The following CACNB2 variants were observed in gnomAD, a reference collection of about 807,000 sequenced individuals.
The protein encoded by CACNB2 is voltage-dependent L-type calcium channel subunit beta-2.
In CACNB2, 42 loss-of-function variants were observed where a neutral mutation model predicts 73.3. The ratio of observed to expected loss-of-function variants is 0.57; its 90% CI spans 0.45 to 0.74. CACNB2 has a LOEUF of 0.74. Among genes scored for constraint, CACNB2 ranks in the 30% least tolerant of loss-of-function variants. CACNB2 has a pLI of 0.00. For synonymous variants in CACNB2, 348 were observed against 310.3 expected (o/e 1.12, Z -1.28); for missense variants, 940 against 853.0 (o/e 1.10, Z -1.27).
chr10:18,438,628 G>A (rs547044951), intron 3 of CACNB2, among the ~76,000 whole-genome samples: 6 of 152,318 alleles, frequency 3.9e-5, no homozygotes, highest in East Asian at 3.9e-4. Context: ...CAAAAAGGCC[G>A]TTTCTTCTCC....
At chr10:18,424,669 T>C (rs149063444) in intron 3 of CACNB2, among the ~76,000 whole-genome samples, 51 of 152,370 alleles carry the variant, frequency 3.3e-4, no homozygotes, top group South Asian at 1.4e-3. Flanking sequence ...CTATATTTAT[T>C]TTCTACATGA....
chr10:18,507,449 T>A (rs1219616229), intron 6 of CACNB2, among the ~76,000 whole-genome samples: 1 of 152,190 alleles, frequency 6.6e-6, no homozygotes, highest in Non-Finnish European at 1.5e-5. Flanking sequence ...AGATAAACAA[T>A]AATTTACTAG....
chr10:18,369,520 A>C (rs2042489426), intron 2 of CACNB2, among the ~76,000 whole-genome samples: 1 of 152,190 alleles, frequency 6.6e-6, no homozygotes, highest in Non-Finnish European at 1.5e-5. Flanking sequence ...GAAACATAAA[A>C]ATAGGCTGCC....
intron 6 of CACNB2, among the ~76,000 whole-genome samples, chr10:18,512,213 T>G (rs1202365883): frequency 1.3e-5 from 2 of 152,214 alleles, no homozygotes; most frequent in South Asian, 4.1e-4. Flanking sequence ...TGGCATATCC[T>G]CTTGGGTCCT....
At chr10:18,433,701 G>A (rs1279652718) in intron 3 of CACNB2, among the ~76,000 whole-genome samples, 3 of 152,060 alleles carry the variant, frequency 2.0e-5, no homozygotes, top group Non-Finnish European at 4.4e-5. Context: ...GTACAGTGTT[G>A]AGAAGGAGGA....
intron 10 of CACNB2, among the ~76,000 whole-genome samples, chr10:18,528,091 CAT>C (rs2052654477): frequency 1.3e-5 from 2 of 152,158 alleles, no homozygotes; most frequent in African/African-American, 4.8e-5. Context: ...AAGGATTAAA[CAT>C]GATATGTGCT....
chr10:18,281,403 A>G (rs1440145152), intron 2 of CACNB2, among the ~76,000 whole-genome samples: 1 of 152,188 alleles, frequency 6.6e-6, no homozygotes, highest in African/African-American at 2.4e-5. Flanking sequence ...AAGTCAAACC[A>G]CTTACCCTCA....
intron 2 of CACNB2, among the ~76,000 whole-genome samples, chr10:18,265,398 T>C (rs2037750702): frequency 6.6e-6 from 1 of 152,158 alleles, no homozygotes. Context: ...CCCAAAGGGC[T>C]GGGATTACAG....
chr10:18,441,090 A>AC (rs2046387825), intron 3 of CACNB2, among the ~76,000 whole-genome samples: 1 of 152,092 alleles, frequency 6.6e-6, no homozygotes, highest in African/African-American at 2.4e-5. Flanking sequence ...GGTGTTGTTG[A>AC]CCTCAGTCCT....
In CACNB2 at chr10:18,514,279, T is replaced by C. The variant is rs757530610; in HGVS notation, c.714T>C (p.Asp238=). 5 of 1,614,142 alleles carry C rather than the reference T, an allele frequency of 3.1e-6. No individual in the cohort carries two copies. In the Admixed American group the frequency reaches 8.3e-5, roughly 27 times the overall value. The change falls in exon 7 of 14, where the codon GAT becomes GAC. Residue 238 remains aspartate (D), a synonymous_variant. Coordinates refer to ENST00000324631, the MANE Select transcript of CACNB2 (RefSeq NM_201596.3). ...CTGGCTTAGATGCAGAAGAAAATGA[T>C]ATTCCAGCAAACCACCGCTCCCCTA... ...DATGLDAEEN[D]IPANHRSPKP...
chr10:18,167,321 G>T (rs1295764487), intron 2 of CACNB2, among the ~76,000 whole-genome samples: 3 of 152,102 alleles, frequency 2.0e-5, no homozygotes, highest in African/African-American at 7.2e-5. Flanking sequence ...TGAGAGGGGA[G>T]GGGAGGGTCG....
intron 3 of CACNB2, among the ~76,000 whole-genome samples, chr10:18,487,024 G>A (rs150566293): frequency 1.2e-4 from 19 of 152,294 alleles, no homozygotes; most frequent in Admixed American, 8.5e-4. Context: ...GAAACGCATG[G>A]GGTTTCATAG....
chr10:18,188,613 GT>G (rs1413162613), intron 2 of CACNB2, among the ~76,000 whole-genome samples: 2 of 151,942 alleles, frequency 1.3e-5, no homozygotes, highest in Non-Finnish European at 2.9e-5. Flanking sequence ...CCTTCTTTGT[GT>G]ATTTCTGATA....
chr10:18,415,694 C>T (rs1358385483), intron 3 of CACNB2, among the ~76,000 whole-genome samples: 2 of 152,154 alleles, frequency 1.3e-5, no homozygotes, highest in African/African-American at 4.8e-5. Context: ...TGGGGTCCAA[C>T]AACGCCTGCC....
Position 18,259,493 on chromosome 10 carries a change from C to T in CACNB2, c.213+108518C>T, listed in dbSNP as rs546881422. On this transcript the variant is annotated intron_variant, in intron 2 of 13. Transcript: ENST00000324631. ...GCCAAGCTTGGCAGATCACTTGAGTCCAAGAGTTCAAGACCAGCCTGGCCA... is the reference window on the plus strand; with the variant it reads ...GCCAAGCTTGGCAGATCACTTGAGTTCAAGAGTTCAAGACCAGCCTGGCCA... Among the ~76,000 whole-genome samples the T allele has an allele frequency of 2.0e-5, 3 of 146,642 alleles. No homozygotes were observed. The South Asian group carries it at 6.4e-4, about 31-fold the overall frequency.
intron 2 of CACNB2, among the ~76,000 whole-genome samples, chr10:18,378,836 A>C (rs553653050): frequency 6.6e-6 from 1 of 152,246 alleles, no homozygotes; most frequent in African/African-American, 2.4e-5. Flanking sequence ...GGCTCTTCAG[A>C]ATTATAAACT....
At chr10:18,382,335 T>G (rs2043053476) in intron 2 of CACNB2, among the ~76,000 whole-genome samples, 1 of 152,006 alleles carries the variant, frequency 6.6e-6, no homozygotes, top group South Asian at 2.1e-4. Context: ...TTTCTTTGTA[T>G]TGAGTATTCT....
intron 2 of CACNB2, among the ~76,000 whole-genome samples, chr10:18,203,482 G>A (rs1426073209): frequency 6.6e-6 from 1 of 152,140 alleles, no homozygotes; most frequent in African/African-American, 2.4e-5. Context: ...TATAAAGGTA[G>A]CAATTTTATT....
chr10:18,287,714 G>A (rs1414249440), intron 2 of CACNB2, among the ~76,000 whole-genome samples: 1 of 152,294 alleles, frequency 6.6e-6, no homozygotes, highest in East Asian at 1.9e-4. Context: ...GGCTGGGCAC[G>A]ATGGCACGCC....
Sources: gnomAD v4.1 joint callset for allele counts (sites outside exome capture counted in the v4.1 genomes callset) on GRCh38, gnomAD v4.1.1 for gene constraint, MANE v1.5 for transcripts, NCBI Gene and HGNC (gene_info 2026-07-23, HGNC 2026-07-21) for gene names.